B3GALT1: variants seen among roughly 807,000 people sequenced by gnomAD.
B3GALT1 encodes the protein beta-1,3-galactosyltransferase 1.
A neutral mutation model predicts 23.2 loss-of-function variants in B3GALT1; 10 were observed. That is an observed-to-expected ratio of 0.43 (90% confidence interval 0.27 to 0.73). The LOEUF (loss-of-function observed/expected upper bound fraction) is 0.73. Among genes scored for constraint, B3GALT1 ranks in the 30% least tolerant of loss-of-function variants. B3GALT1 has a pLI of 0.21. For missense variants in B3GALT1, 299 were observed against 405.4 expected, an observed-to-expected ratio of 0.74 and a Z score of 2.25; for synonymous variants, 156 against 141.5, an observed-to-expected ratio of 1.10 and a Z score of -0.73.
At chr2:167,304,600 A>G (rs964373359) in intron 1 of B3GALT1, among the ~76,000 whole-genome samples, 8 of 152,074 alleles carry the variant, frequency 5.3e-5, no homozygotes, top group African/African-American at 1.9e-4. Flanking sequence ...AACAGAACCA[A>G]TAAAGTATGT....
chr2:167,710,355 A>G (rs55667208), intron 3 of B3GALT1, among the ~76,000 whole-genome samples: 15,837 of 152,264 alleles, frequency 0.1, 1,021 homozygotes, highest in Middle Eastern at 0.19. Flanking sequence ...AGAATTTTTA[A>G]ATTAGAAGCA....
chr2:167,561,862 A>G (rs1027430732), intron 2 of B3GALT1, among the ~76,000 whole-genome samples: 4 of 152,226 alleles, frequency 2.6e-5, no homozygotes, highest in Non-Finnish European at 4.4e-5. Context: ...TTCACAGCCA[A>G]ATTCTACCAG....
At chr2:167,601,982 G>A (rs886574723) in intron 2 of B3GALT1, among the ~76,000 whole-genome samples, 5 of 152,110 alleles carry the variant, frequency 3.3e-5, no homozygotes, top group African/African-American at 1.2e-4. Flanking sequence ...TAAGAAATAT[G>A]TTTTATATCA....
At chr2:167,398,222 A>C (rs1011575667) in intron 1 of B3GALT1, among the ~76,000 whole-genome samples, 1 of 152,114 alleles carries the variant, frequency 6.6e-6, no homozygotes, top group Non-Finnish European at 1.5e-5. Flanking sequence ...TATGCAATTA[A>C]TTGGATCAGG....
At chr2:167,615,100 A>T (rs894685635) in intron 2 of B3GALT1, among the ~76,000 whole-genome samples, 1 of 152,102 alleles carries the variant, frequency 6.6e-6, no homozygotes, top group Non-Finnish European at 1.5e-5. Flanking sequence ...TGAAAATATA[A>T]AACTTTGAGT....
In B3GALT1 at chr2:167,648,931, C is replaced by G. The variant is rs571820436; in HGVS notation, c.-352+1965C>G. Among the ~76,000 whole-genome samples the G allele has an allele frequency of 1.4e-4, 21 of 152,192 alleles. No homozygotes were observed. The East Asian group carries it at 3.7e-3, about 27-fold the overall frequency. ...CTGAGTCAGACTCAGAATATTCTTTCTAAGTCAATTGCATTGGCTTCTGCC... is the reference window on the plus strand; with the variant it reads ...CTGAGTCAGACTCAGAATATTCTTTGTAAGTCAATTGCATTGGCTTCTGCC... On this transcript the variant is annotated intron_variant, in intron 3 of 4. Transcript: ENST00000392690.
At chr2:167,800,784 A>G (rs1688626861) in intron 3 of B3GALT1, among the ~76,000 whole-genome samples, 1 of 152,182 alleles carries the variant, frequency 6.6e-6, no homozygotes, top group Non-Finnish European at 1.5e-5. Context: ...TTGTTGTCTG[A>G]ATAAGACCAG....
At chr2:167,815,255 T>C (rs1688972227) in intron 3 of B3GALT1, 1 of 152,198 alleles carries the variant, frequency 6.6e-6, no homozygotes, top group Admixed American at 6.5e-5. Flanking sequence ...AAATTGAAAG[T>C]TAAGTTCATG....
intron 3 of B3GALT1, among the ~76,000 whole-genome samples, chr2:167,816,300 T>C (rs896850136): frequency 1.3e-5 from 2 of 152,242 alleles, no homozygotes. Flanking sequence ...TTGCTAAAAT[T>C]ATTTTTTAAT....
chr2:167,640,549 T>TC (rs1443322291), intron 2 of B3GALT1, among the ~76,000 whole-genome samples: 1 of 71,876 alleles, frequency 1.4e-5, no homozygotes, highest in Non-Finnish European at 3.5e-5. Flanking sequence ...AAGTTTGATT[T>TC]TTTTTTCCCC....
intron 3 of B3GALT1, among the ~76,000 whole-genome samples, chr2:167,799,587 T>G (rs1688602787): frequency 6.6e-6 from 1 of 152,238 alleles, no homozygotes; most frequent in African/African-American, 2.4e-5. Context: ...TTGTTTTTAC[T>G]ATACTAACTT....
chr2:167,302,338 A>T (rs1292340327), intron 1 of B3GALT1, among the ~76,000 whole-genome samples: 1 of 152,168 alleles, frequency 6.6e-6, no homozygotes, highest in Non-Finnish European at 1.5e-5. Flanking sequence ...TCATTAAAAA[A>T]ATCTATACTA....
At chr2:167,842,179 A>G (rs980817308) in intron 4 of B3GALT1, among the ~76,000 whole-genome samples, 1 of 152,242 alleles carries the variant, frequency 6.6e-6, no homozygotes, top group Non-Finnish European at 1.5e-5. Context: ...AAAGCAAAAT[A>G]GAAACACATG....
chr2:167,433,218 C>G (rs1283660030), intron 1 of B3GALT1, among the ~76,000 whole-genome samples: 2 of 152,082 alleles, frequency 1.3e-5, no homozygotes, highest in Non-Finnish European at 2.9e-5. Flanking sequence ...CTTTTTTCAC[C>G]TAGTAATATA....
At chr2:167,524,730 T>C (rs2105363933) in intron 2 of B3GALT1, among the ~76,000 whole-genome samples, 1 of 152,316 alleles carries the variant, frequency 6.6e-6, no homozygotes, top group Admixed American at 6.5e-5. Flanking sequence ...CAAACACCTT[T>C]AACTAATTTC....
intron 1 of B3GALT1, among the ~76,000 whole-genome samples, chr2:167,442,391 G>T (rs182779461): frequency 2.0e-5 from 3 of 152,038 alleles, no homozygotes; most frequent in Non-Finnish European, 4.4e-5. Context: ...TGGGTATATA[G>T]CCAGTAATGG....
At chr2:167,416,206 A>T (rs144930395) in intron 1 of B3GALT1, among the ~76,000 whole-genome samples, 420 of 152,268 alleles carry the variant, frequency 2.8e-3, no homozygotes, top group African/African-American at 9.6e-3. Flanking sequence ...GAGGCTTAGG[A>T]GGACAGAGTG....
intron 4 of B3GALT1, among the ~76,000 whole-genome samples, chr2:167,834,230 G>T (rs144831039): frequency 3.3e-5 from 5 of 152,154 alleles, no homozygotes; most frequent in African/African-American, 1.2e-4. Flanking sequence ...ATGAAGACTG[G>T]GTACATGTAA....
chr2:167,333,905 G>A (rs552903360), intron 1 of B3GALT1, among the ~76,000 whole-genome samples: 6 of 151,910 alleles, frequency 3.9e-5, no homozygotes, highest in South Asian at 2.1e-4. Context: ...TGGTGGCACC[G>A]AGAAACCTTC....
Sources: allele counts gnomAD v4.1 joint callset (sites outside exome capture counted in the v4.1 genomes callset), GRCh38; gene constraint gnomAD v4.1.1; transcripts MANE v1.5; gene names NCBI Gene and HGNC (gene_info 2026-07-23, HGNC 2026-07-21).